The following UBE3C variants were observed in gnomAD, a reference collection of about 807,000 sequenced individuals.
The protein encoded by UBE3C is ubiquitin protein ligase E3C, also known as ubiquitin-protein ligase E3C.
UBE3C carries 42 observed loss-of-function variants against 129.4 expected under a neutral mutation model. The ratio of observed to expected loss-of-function variants is 0.32; its 90% confidence interval spans 0.25 to 0.42. UBE3C has a LOEUF of 0.42. Among genes scored for constraint, UBE3C ranks in the 10% least tolerant of loss-of-function variants. The pLI is 1.00. For synonymous variants in UBE3C, 510 were observed against 492.4 expected, an observed-to-expected ratio of 1.04 and a Z score of -0.47; for missense variants, 1,049 against 1,319.1, an observed-to-expected ratio of 0.80 and a Z score of 3.17.
intron 1 of UBE3C, among the ~76,000 whole-genome samples, chr7:157,162,525 G>T (rs1172762023): frequency 6.7e-6 from 1 of 149,468 alleles, no homozygotes; most frequent in African/African-American, 2.5e-5. Flanking sequence ...TTCATATATA[G>T]TGTCTCCAAT....
At chr7:157,257,482 T>A (rs1584827543) in intron 22 of UBE3C, among the ~76,000 whole-genome samples, 1 of 152,186 alleles carries the variant, frequency 6.6e-6, no homozygotes, top group Non-Finnish European at 1.5e-5. Flanking sequence ...TGGCTTATTT[T>A]TAGCAATTAA....
rs898546598 is a variant in UBE3C, at chr7:157,269,105, C to A, written c.*1350C>A. The stretch of plus-strand genomic sequence containing the variant: ...TTCTTAATTTGAATAATAAATTAAG[C>A]GTTTAAATGCTATTTGTAGTCTTGA... On this transcript the variant is annotated 3_prime_UTR_variant, in exon 23 of 23. Transcript: ENST00000348165. 6.6e-6 allele frequency: 1 copy of A among 152,400 alleles called. No homozygotes were observed. Among genetic ancestry groups the A allele is most frequent in the Non-Finnish European group, 1.5e-5 (1 of 67,988 alleles). The allele number at this position is 152,400 out of a possible 1,614,324, so 9.4% of individuals were successfully genotyped here. A position where few individuals can be genotyped will look rare whatever the true frequency, so the allele number is the denominator to read the frequency against.
chr7:157,191,808 G>A lies in UBE3C; in HGVS notation c.1331+4787G>A, dbSNP rs545303843. On this transcript the variant is annotated intron_variant, in intron 10 of 22. Coordinates refer to ENST00000348165, the MANE Select transcript of UBE3C (RefSeq NM_014671.3). Reference sequence around the variant, plus strand: ...ATGTGTAGAATTAAATATATATACCGTCCATGTGTTTGTAAACAAGTTTTT... The same window carrying A: ...ATGTGTAGAATTAAATATATATACCATCCATGTGTTTGTAAACAAGTTTTT... Among the ~76,000 whole-genome samples, 3 of 152,234 alleles carry A rather than the reference G, an allele frequency of 2.0e-5. 1 individual carries two copies. Among genetic ancestry groups the A allele is most frequent in the African/African-American group, 4.8e-5 (2 of 41,538 alleles).
At chr7:157,156,625 T>G (rs1172369981) in intron 1 of UBE3C, among the ~76,000 whole-genome samples, 1 of 151,730 alleles carries the variant, frequency 6.6e-6, no homozygotes, top group Admixed American at 6.6e-5. Context: ...AATCCTTACA[T>G]TCACACTCTA....
At chr7:157,153,616 C>T (rs905348799) in intron 1 of UBE3C, among the ~76,000 whole-genome samples, 2 of 152,042 alleles carry the variant, frequency 1.3e-5, no homozygotes, top group South Asian at 4.1e-4. Flanking sequence ...AGTCATAATT[C>T]TTGATAAGGA....
At chr7:157,173,354 C>T (rs931068919) in intron 4 of UBE3C, among the ~76,000 whole-genome samples, 4 of 152,040 alleles carry the variant, frequency 2.6e-5, no homozygotes, top group Non-Finnish European at 5.9e-5. Flanking sequence ...CCAGCCTGGG[C>T]GGTTGAATGT....
chr7:157,139,430 CG>C, intron 1 of UBE3C, 92 bp downstream of exon 1: 1 of 1,191,442 alleles, frequency 8.4e-7, no homozygotes, highest in Non-Finnish European at 1.1e-6. Flanking sequence ...GGGCTGGACT[CG>C]GGGCCGAGAC....
At chr7:157,157,517 C>T (rs1454383416) in intron 1 of UBE3C, among the ~76,000 whole-genome samples, 1 of 151,878 alleles carries the variant, frequency 6.6e-6, no homozygotes, top group Non-Finnish European at 1.5e-5. Context: ...GACATGATCT[C>T]CTTGGAGGGC....
intron 4 of UBE3C, among the ~76,000 whole-genome samples, chr7:157,173,695 G>A (rs1385971538): frequency 6.6e-6 from 1 of 152,108 alleles, no homozygotes; most frequent in East Asian, 1.9e-4. Context: ...TCTTCCAACA[G>A]TCCTATTATA....
intron 10 of UBE3C, chr7:157,197,964 C>T: frequency 6.2e-7 from 1 of 1,609,322 alleles, no homozygotes; most frequent in Non-Finnish European, 8.5e-7. Flanking sequence ...AGCCTTGAAC[C>T]TCAATCTAGG....
intron 10 of UBE3C, chr7:157,198,368 C>G: frequency 1.3e-6 from 1 of 753,726 alleles, no homozygotes; most frequent in South Asian, 1.4e-5. Context: ...CAGTTTATTT[C>G]TTGATATGTC....
At position 157,248,287 on chromosome 7, in the gene UBE3C, A is replaced by G. The variant is rs1182398839; in HGVS notation, c.2482-81A>G. The G allele has an allele frequency of 3.1e-6, 4 of 1,281,720 alleles. No individual in the cohort carries two copies. The Admixed American group carries it at 6.2e-5, about 20-fold the overall frequency. The allele number at this position is 1,281,720 out of a possible 1,614,324, so 79.4% of individuals were successfully genotyped here. A position where few individuals can be genotyped will look rare whatever the true frequency, so the allele number is the denominator to read the frequency against. On this transcript the variant is annotated intron_variant, in intron 18 of 22. Transcript: ENST00000348165. ...ACCTGCTCTCTTAGGATTGGGTTTAATATCAAGTTGAGCATATGGCTCTTT... is the reference window on the plus strand; with the variant it reads ...ACCTGCTCTCTTAGGATTGGGTTTAGTATCAAGTTGAGCATATGGCTCTTT...
At chr7:157,144,233 C>T (rs2116787663) in intron 1 of UBE3C, among the ~76,000 whole-genome samples, 1 of 152,234 alleles carries the variant, frequency 6.6e-6, no homozygotes, top group African/African-American at 2.4e-5. Flanking sequence ...GAGTTCAAGG[C>T]TGCAGTGAGC....
chr7:157,245,198 C>A (rs1796443598), intron 18 of UBE3C, among the ~76,000 whole-genome samples: 1 of 152,196 alleles, frequency 6.6e-6, no homozygotes. Flanking sequence ...TTTTATGAGT[C>A]ACAGTGGGAT....
intron 5 of UBE3C, among the ~76,000 whole-genome samples, chr7:157,176,120 A>C (rs2116904204): frequency 6.6e-6 from 1 of 152,298 alleles, no homozygotes; most frequent in African/African-American, 2.4e-5. Context: ...TGATATATGT[A>C]AATATAATTA....
At chr7:157,157,717 G>C (rs150180285) in intron 1 of UBE3C, among the ~76,000 whole-genome samples, 1 of 152,190 alleles carries the variant, frequency 6.6e-6, no homozygotes, top group African/African-American at 2.4e-5. Flanking sequence ...GCTCATGCCT[G>C]TAATTCTAGC....
intron 13 of UBE3C, among the ~76,000 whole-genome samples, chr7:157,210,998 G>A (rs995622191): frequency 5.3e-5 from 8 of 152,188 alleles, no homozygotes; most frequent in South Asian, 2.1e-4. Context: ...CTCTTGAAGT[G>A]TAATTTAGAG....
At chr7:157,195,131 G>A (rs529702391) in intron 10 of UBE3C, among the ~76,000 whole-genome samples, 1 of 152,274 alleles carries the variant, frequency 6.6e-6, no homozygotes, top group Admixed American at 6.5e-5. Context: ...CACACAAAAG[G>A]CTCTTTGAGG....
intron 18 of UBE3C, among the ~76,000 whole-genome samples, chr7:157,242,801 A>G (rs561435103): frequency 3.9e-5 from 6 of 152,152 alleles, no homozygotes; most frequent in Non-Finnish European, 8.8e-5. Flanking sequence ...TCAAGCCTGT[A>G]ATCCCAGCAC....
Sources: allele counts gnomAD v4.1 joint callset (sites outside exome capture counted in the v4.1 genomes callset), GRCh38; gene constraint gnomAD v4.1.1; transcripts MANE v1.5; gene names NCBI Gene and HGNC (gene_info 2026-07-23, HGNC 2026-07-21).